Variants in USP37 observed in about 807,000 individuals in gnomAD.
USP37 encodes the protein ubiquitin specific peptidase 37, also known as ubiquitin carboxyl-terminal hydrolase 37.
USP37 carries 27 observed loss-of-function variants against 124.0 expected under a neutral mutation model. The observed-to-expected ratio is 0.22, with a 90% CI of 0.16 to 0.30. USP37 has a LOEUF of 0.30. Ranked by LOEUF, USP37 falls within the 10% of genes least tolerant of loss-of-function variation. The pLI is 1.00. For synonymous variants in USP37, 365 were observed against 388.0 expected (o/e 0.94, Z 0.70); for missense variants, 889 against 1,140.4 (o/e 0.78, Z 3.17).
At chr2:218,557,585 A>G (rs1011638746) in intron 4 of USP37, among the ~76,000 whole-genome samples, 34 of 124,024 alleles carry the variant, frequency 2.7e-4, no homozygotes, top group African/African-American at 1.0e-3. Context: ...TTGTTTTTCA[A>G]TAGAATATTT....
intron 3 of USP37, among the ~76,000 whole-genome samples, chr2:218,560,438 T>C (rs1435072794): frequency 2.0e-5 from 3 of 152,214 alleles, no homozygotes; most frequent in East Asian, 1.9e-4. Flanking sequence ...TGTTGTAGAA[T>C]GAAATAATAC....
At chr2:218,492,180 G>A (rs1688818950) in intron 14 of USP37, among the ~76,000 whole-genome samples, 1 of 152,080 alleles carries the variant, frequency 6.6e-6, no homozygotes, top group Non-Finnish European at 1.5e-5. Context: ...TAGCCTGGGT[G>A]ACAAAGCAAC....
At chr2:218,563,001 T>TAA (rs757916913) in intron 1 of USP37, among the ~76,000 whole-genome samples, 188 bp from the exon 2 acceptor site, 5 of 151,822 alleles carry the variant, frequency 3.3e-5, no homozygotes, top group African/African-American at 7.3e-5. Context: ...CCGTCTCTAC[T>TAA]AAAAATACAA....
chr2:218,543,845 T>C (rs1036274465), intron 8 of USP37, among the ~76,000 whole-genome samples: 1 of 151,788 alleles, frequency 6.6e-6, no homozygotes, highest in African/African-American at 2.4e-5. Flanking sequence ...AAAAAAAACA[T>C]AGCTCTCTGT....
At chr2:218,455,538 T>C in intron 25 of USP37, 42 bp downstream of exon 25, 2 of 1,524,730 alleles carry the variant, frequency 1.3e-6, no homozygotes, top group Non-Finnish European at 1.8e-6. Context: ...AGAGTTCCGG[T>C]GATTTCTAAC....
At chr2:218,511,227 C>A (rs908272316) in intron 10 of USP37, among the ~76,000 whole-genome samples, 8 of 152,050 alleles carry the variant, frequency 5.3e-5, no homozygotes, top group African/African-American at 1.7e-4. Flanking sequence ...GCAACCTCCA[C>A]CTCCCGGTTT....
intron 3 of USP37, among the ~76,000 whole-genome samples, chr2:218,559,724 G>A (rs559450366): frequency 3.3e-5 from 5 of 152,246 alleles, no homozygotes; most frequent in South Asian, 2.1e-4. Context: ...AAAAATGGCC[G>A]GACACAGTGG....
chr2:218,516,564 G>C (rs1003153031), intron 10 of USP37, among the ~76,000 whole-genome samples: 12 of 152,082 alleles, frequency 7.9e-5, no homozygotes, highest in Non-Finnish European at 1.5e-4. Context: ...AGGGGAGGGA[G>C]AGCATTAGGA....
intron 10 of USP37, among the ~76,000 whole-genome samples, chr2:218,520,576 T>C (rs1013404395): frequency 6.6e-6 from 1 of 151,648 alleles, no homozygotes; most frequent in African/African-American, 2.4e-5. Flanking sequence ...TGTCTCAAAC[T>C]CCCGACCTCG....
intron 19 of USP37, among the ~76,000 whole-genome samples, chr2:218,475,213 A>C (rs940455859): frequency 5.5e-4 from 84 of 152,230 alleles, no homozygotes; most frequent in African/African-American, 2.0e-3. Context: ...ATTTTCTTCC[A>C]GATATATATA....
chr2:218,553,928 T>A (rs892544171), intron 4 of USP37, among the ~76,000 whole-genome samples: 2 of 152,164 alleles, frequency 1.3e-5, no homozygotes, highest in African/African-American at 2.4e-5. Context: ...TGCAAACACA[T>A]GCAATAAGCC....
At chr2:218,462,707 T>C (rs1009942410) in intron 22 of USP37, among the ~76,000 whole-genome samples, 1 of 152,062 alleles carries the variant, frequency 6.6e-6, no homozygotes, top group African/African-American at 2.4e-5. Flanking sequence ...TTTTTCAATA[T>C]TAAAAAACAT....
chr2:218,488,207 AGAAAC>A, intron 15 of USP37, 92 bp downstream of exon 15: 3 of 730,504 alleles, frequency 4.1e-6, no homozygotes, highest in Non-Finnish European at 2.2e-6. Context: ...AGAAAAGAAA[AGAAAC>A]TTTGCCTTGA....
chr2:218,529,480 A>AC (rs1192405472), intron 10 of USP37, among the ~76,000 whole-genome samples: 4 of 136,838 alleles, frequency 2.9e-5, no homozygotes, highest in Admixed American at 6.9e-5. Flanking sequence ...TCTCAAACAA[A>AC]AAAAAAAAAA....
At chr2:218,468,965 T>C (rs1690523698) in intron 20 of USP37, among the ~76,000 whole-genome samples, 1 of 152,204 alleles carries the variant, frequency 6.6e-6, no homozygotes, top group Non-Finnish European at 1.5e-5. Context: ...AGTGCTGGGA[T>C]TATAGGTGTG....
chr2:218,458,801 G>C (rs1256223382), intron 23 of USP37, among the ~76,000 whole-genome samples: 1 of 152,058 alleles, frequency 6.6e-6, no homozygotes, highest in South Asian at 2.1e-4. Flanking sequence ...GTGTGGCAGT[G>C]TGTGCCTCTA....
At chr2:218,548,005 G>A (rs1204884284) in intron 6 of USP37, among the ~76,000 whole-genome samples, 1 of 152,154 alleles carries the variant, frequency 6.6e-6, no homozygotes, top group Non-Finnish European at 1.5e-5. Context: ...TTGTTTTACA[G>A]AATTACAATC....
chr2:218,544,146 G>A (rs1031053757), intron 8 of USP37, among the ~76,000 whole-genome samples: 9 of 151,892 alleles, frequency 5.9e-5, no homozygotes, highest in Admixed American at 3.3e-4. Flanking sequence ...TTGGGAGGTC[G>A]AGGCGGGCAG....
intron 21 of USP37, among the ~76,000 whole-genome samples, chr2:218,463,914 G>A (rs975099793): frequency 1.2e-4 from 18 of 147,860 alleles, no homozygotes; most frequent in East Asian, 5.9e-4. Flanking sequence ...GGAGGGCAGT[G>A]GCACGATCTC....
Sources: allele counts gnomAD v4.1 joint callset (sites outside exome capture counted in the v4.1 genomes callset), GRCh38; gene constraint gnomAD v4.1.1; transcripts MANE v1.5; gene names NCBI Gene and HGNC (gene_info 2026-07-23, HGNC 2026-07-21).